The following CXorf58 variants were observed in gnomAD, a reference collection of about 807,000 sequenced individuals.
CXorf58 encodes the protein uncharacterized protein CXorf58.
In CXorf58, 24 loss-of-function variants were observed where a neutral mutation model predicts 26.0. The ratio of observed to expected loss-of-function variants is 0.92; its 90% CI spans 0.67 to 1.30. CXorf58 has a LOEUF of 1.30. CXorf58 is among the 50% of genes most tolerant of loss of function. The probability of loss-of-function intolerance (pLI) is 0.00; values close to 1 mark genes in which losing one functional copy is unlikely to be tolerated. For synonymous variants in CXorf58, 87 were observed against 86.1 expected, an observed-to-expected ratio of 1.01 and a Z score of -0.06; for missense variants, 236 against 263.9, an observed-to-expected ratio of 0.89 and a Z score of 0.73.
At chrX:23,915,644 A>T (rs1251973486) in intron 3 of CXorf58, 56 bp from the exon 4 acceptor site, 1 of 711,636 alleles carries the variant, frequency 1.4e-6, no homozygotes, top group Non-Finnish European at 2.2e-6. Flanking sequence ...TATAGTCCAT[A>T]AATTGTGTCT....
intron 5 of CXorf58, among the ~76,000 whole-genome samples, chrX:23,921,131 C>T (rs911992995): frequency 8.1e-5 from 9 of 110,985 alleles, no homozygotes. Context: ...GAACTGAAAT[C>T]CTCCTGGGTC....
Position 23,910,322 on chromosome X carries a change from T to C in CXorf58, c.20T>C (p.Val7Ala), listed in dbSNP as rs139980314. 9.6e-5 allele frequency: 114 copies of C among 1,182,616 alleles called. No individual in the cohort carries two copies. The African/African-American group carries it at 1.9e-3, about 19-fold the overall frequency. Reference sequence around the variant, plus strand: ...GGGAAAATGAATCGTTCCTCAAATGTACCACGTAAAGGTATTCTGAAATCA... The same window carrying C: ...GGGAAAATGAATCGTTCCTCAAATGCACCACGTAAAGGTATTCTGAAATCA... MNRSSNVPRKGILKSGT... is the reference protein window; with the variant it reads MNRSSNAPRKGILKSGT... Residue 7 changes from valine (V) to alanine (A), a missense_variant, in exon 2 of 9, where the codon GTA (valine) becomes GCA (alanine). Physicochemically the swap from Val to Ala is moderately conservative, Grantham distance 64. Coordinates refer to ENST00000379211, the MANE Select transcript of CXorf58 (RefSeq NM_152761.3).
chrX:23,924,673 G>A (rs1927959304), intron 5 of CXorf58, among the ~76,000 whole-genome samples: 1 of 103,061 alleles, frequency 9.7e-6, no homozygotes, highest in Non-Finnish European at 2.0e-5. Flanking sequence ...GTGGGGATGA[G>A]GGAGGGGGGA....
intron 5 of CXorf58, among the ~76,000 whole-genome samples, chrX:23,920,354 T>C (rs1010540206): frequency 5.3e-5 from 6 of 112,338 alleles, no homozygotes; most frequent in African/African-American, 1.9e-4. Flanking sequence ...AAACCACATA[T>C]CAAAGGTTAT....
At chrX:23,908,945 G>T (rs2147061700) in intron 1 of CXorf58, among the ~76,000 whole-genome samples, 1 of 111,976 alleles carries the variant, frequency 8.9e-6, no homozygotes. Flanking sequence ...TTTGGGGCGA[G>T]TTCAAGGAAG....
intron 3 of CXorf58, among the ~76,000 whole-genome samples, 199 bp from the exon 4 acceptor site, chrX:23,915,501 A>G (rs1263073936): frequency 8.9e-6 from 1 of 112,005 alleles, no homozygotes; most frequent in Non-Finnish European, 1.9e-5. Flanking sequence ...ACAGATAACC[A>G]AAGTTGGAGG....
At chrX:23,929,004 T>A (rs1277500553) in intron 6 of CXorf58, among the ~76,000 whole-genome samples, 1 of 111,449 alleles carries the variant, frequency 9.0e-6, no homozygotes, top group African/African-American at 3.3e-5. Flanking sequence ...AAACGTGTTG[T>A]GAATGCAAAG....
At chrX:23,938,965 G>A (rs1175251805) in intron 8 of CXorf58, among the ~76,000 whole-genome samples, 2 of 111,690 alleles carry the variant, frequency 1.8e-5, no homozygotes, top group African/African-American at 6.5e-5. Context: ...TTCTCTGTAT[G>A]TTGACACTGT....
At chrX:23,936,577 A>G (rs188504665) in intron 7 of CXorf58, among the ~76,000 whole-genome samples, 72 of 112,243 alleles carry the variant, frequency 6.4e-4, no homozygotes, top group African/African-American at 2.2e-3. Flanking sequence ...CTGCTTTCTT[A>G]AAAGAAGAAA....
chrX:23,908,380 G>A (rs1374033773), intron 1 of CXorf58, 51 bp downstream of exon 1: 7 of 112,685 alleles, frequency 6.2e-5, no homozygotes, highest in Non-Finnish European at 1.3e-4. Flanking sequence ...ACTTGTAGAA[G>A]TAACTGATAA....
chrX:23,919,621 A>G (rs1278134538), intron 5 of CXorf58, among the ~76,000 whole-genome samples: 1 of 112,189 alleles, frequency 8.9e-6, no homozygotes, highest in African/African-American at 3.2e-5. Context: ...TCTCTCTAGG[A>G]TTGATCACTG....
chrX:23,912,095 G>C (rs1365650434), intron 3 of CXorf58, among the ~76,000 whole-genome samples: 1 of 110,144 alleles, frequency 9.1e-6, no homozygotes, highest in African/African-American at 3.3e-5. Flanking sequence ...GGGACTACAG[G>C]CACCTGTCAC....
In CXorf58 at chrX:23,913,363, A is replaced by G. The variant is rs556342893; in HGVS notation, c.216+1507A>G. On this transcript the variant is annotated intron_variant, in intron 3 of 8. Transcript: ENST00000379211. The stretch of plus-strand genomic sequence containing the variant: ...GCCCAGCTAATTTTTTTTTTTTTGT[A>G]CTTTTAGTAGAGACAGGGTTTCACC... 1.5e-4 allele frequency among the ~76,000 whole-genome samples: 15 copies of G among 102,744 alleles called. No individual in the cohort carries two copies. In the South Asian group the frequency reaches 5.3e-3, roughly 36 times the overall value. The allele number at this position is 102,744 out of a possible 115,157, so 89.2% of individuals were successfully genotyped here.
At chrX:23,917,218 C>A (rs1287774001) in intron 5 of CXorf58, among the ~76,000 whole-genome samples, 1 of 104,216 alleles carries the variant, frequency 9.6e-6, no homozygotes, top group African/African-American at 3.5e-5. Flanking sequence ...GCCTGTAATC[C>A]CAGATACTCA....
At chrX:23,923,985 G>C (rs1447260062) in intron 5 of CXorf58, among the ~76,000 whole-genome samples, 1 of 111,707 alleles carries the variant, frequency 9.0e-6, no homozygotes, top group Non-Finnish European at 1.9e-5. Flanking sequence ...AGAATCGCTC[G>C]AATCCAGAAG....
At chrX:23,938,471 A>G (rs1166833416) in intron 7 of CXorf58, 76 bp from the exon 8 acceptor site, 4 of 814,129 alleles carry the variant, frequency 4.9e-6, no homozygotes, top group Non-Finnish European at 6.8e-6. Context: ...GAAAGCTTTA[A>G]TGAAATTTGG....
rs889765684 is a variant in CXorf58 at position 23,908,100 on chromosome X, G to T, written c.-250G>T. ...CAGCGGCGACTGGGCGCCCAGCGGCGTGTACTGGGATTTCTGTGAGCAGAG... is the reference window on the plus strand; with the variant it reads ...CAGCGGCGACTGGGCGCCCAGCGGCTTGTACTGGGATTTCTGTGAGCAGAG... On this transcript the variant is annotated 5_prime_UTR_variant, in exon 1 of 9. Coordinates refer to ENST00000379211, the MANE Select transcript of CXorf58 (RefSeq NM_152761.3). 1.4e-4 allele frequency: 18 copies of T among 130,674 alleles called. No homozygotes were observed. Among genetic ancestry groups the T allele is most frequent in the Non-Finnish European group, 1.5e-5 (1 of 64,944 alleles). 10.8% of individuals were successfully genotyped at this position (130,674 alleles called of 1,213,427 possible).
In CXorf58 at chrX:23,938,570, C is replaced by A. The variant is rs774226096; in HGVS notation, c.809C>A (p.Pro270His). ...EIRGPYLTVQPLYRPYKQQNQ... is the reference protein window; with the variant it reads ...EIRGPYLTVQHLYRPYKQQNQ... ...AGGGGTCCATACTTAACTGTCCAAC[C>A]TCTATATCGGCCCTACAAACAGCAA... is the stretch of plus-strand genomic sequence containing the variant. The change falls in exon 8 of 9, where the codon CCT (proline) becomes CAT (histidine). Residue 270 changes from proline to histidine, a missense_variant. Coordinates refer to ENST00000379211, the MANE Select transcript of CXorf58 (RefSeq NM_152761.3). 134 of 1,183,417 alleles carry A rather than the reference C, an allele frequency of 1.1e-4. No individual in the cohort carries two copies. The East Asian group carries it at 3.9e-3, about 34-fold the overall frequency.
At chrX:23,933,137 AG>A (rs1223426910) in intron 6 of CXorf58, among the ~76,000 whole-genome samples, 1 of 102,487 alleles carries the variant, frequency 9.8e-6, no homozygotes, top group Non-Finnish European at 2.0e-5. Context: ...TCTCCAGAAA[AG>A]GAAAAAAAAA....
Sources: allele counts gnomAD v4.1 joint callset (sites outside exome capture counted in the v4.1 genomes callset), GRCh38; gene constraint gnomAD v4.1.1; transcripts MANE v1.5; gene names NCBI Gene and HGNC (gene_info 2026-07-23, HGNC 2026-07-21).